The following RGS6 variants were observed in gnomAD, a reference collection of about 807,000 sequenced individuals.
RGS6 encodes the protein regulator of G protein signaling 6, also known as regulator of G-protein signaling 6.
RGS6 carries 30 observed loss-of-function variants against 78.5 expected under a neutral mutation model. The ratio of observed to expected loss-of-function variants is 0.38; its 90% CI spans 0.29 to 0.52. RGS6 has a LOEUF of 0.52. Among genes scored for constraint, RGS6 ranks in the 20% least tolerant of loss-of-function variants. The pLI is 0.85. For synonymous variants in RGS6, 206 were observed against 206.0 expected, an observed-to-expected ratio of 1.00 and a Z score of 0.00; for missense variants, 495 against 609.7, an observed-to-expected ratio of 0.81 and a Z score of 1.98.
chr14:72,511,894 T>C, intron 14 of RGS6: 1 of 152,212 alleles, frequency 6.6e-6, no homozygotes, highest in South Asian at 2.1e-4. Context: ...ATCTCAGAGC[T>C]TCATTTCAAT....
At chr14:71,981,331 A>C (rs1219348496) in intron 2 of RGS6, among the ~76,000 whole-genome samples, 1 of 151,974 alleles carries the variant, frequency 6.6e-6, no homozygotes, top group Non-Finnish European at 1.5e-5. Context: ...GGAGGAGGAG[A>C]GGCGCTCTGC....
chr14:72,553,051 T>C (rs978215500), intron 17 of RGS6, among the ~76,000 whole-genome samples: 3 of 152,188 alleles, frequency 2.0e-5, no homozygotes, highest in African/African-American at 7.2e-5. Context: ...TGTATGCACA[T>C]GTGCACAGGT....
intron 2 of RGS6, among the ~76,000 whole-genome samples, chr14:72,259,723 TG>T: frequency 6.6e-6 from 1 of 150,994 alleles, no homozygotes; most frequent in African/African-American, 2.4e-5. Flanking sequence ...CTGGCTAACA[TG>T]GTGAAACCTC....
the RGS6 span, among the ~76,000 whole-genome samples, chr14:71,913,151 A>C: frequency 1.3e-5 from 2 of 152,148 alleles, no homozygotes; most frequent in Admixed American, 1.3e-4. Context: ...TTACATAAAG[A>C]GCCAGATTTC....
chr14:72,283,433 G>A (rs529044230), intron 2 of RGS6, among the ~76,000 whole-genome samples: 4 of 152,162 alleles, frequency 2.6e-5, no homozygotes, highest in Non-Finnish European at 4.4e-5. Context: ...GGGACCCAGT[G>A]GGAGATAATT....
At chr14:72,522,857 C>T (rs2097066372) in intron 15 of RGS6, among the ~76,000 whole-genome samples, 1 of 152,114 alleles carries the variant, frequency 6.6e-6, no homozygotes, top group Non-Finnish European at 1.5e-5. Flanking sequence ...TTCAAGAAAT[C>T]CAGAAAGCTA....
At chr14:72,248,364 T>A (rs868594633) in intron 2 of RGS6, among the ~76,000 whole-genome samples, 1 of 152,222 alleles carries the variant, frequency 6.6e-6, no homozygotes, top group Non-Finnish European at 1.5e-5. Context: ...GTTTTTTGTT[T>A]GGGAAAATAG....
At chr14:72,323,777 G>A (rs867598187) in intron 2 of RGS6, among the ~76,000 whole-genome samples, 2 of 108,688 alleles carry the variant, frequency 1.8e-5, no homozygotes, top group South Asian at 3.1e-4. Flanking sequence ...CTCCAGCCTG[G>A]GTGACAGAGT....
chr14:72,360,260 G>A (rs972535174), intron 3 of RGS6, among the ~76,000 whole-genome samples: 2 of 151,924 alleles, frequency 1.3e-5, no homozygotes, highest in African/African-American at 4.8e-5. Context: ...AGTGGCTCAG[G>A]CCTCTAATCC....
At chr14:71,896,445 C>G in the RGS6 span, among the ~76,000 whole-genome samples, 15 of 152,078 alleles carry the variant, frequency 9.9e-5, no homozygotes, top group African/African-American at 4.8e-5. Flanking sequence ...GAGGATGACC[C>G]GAAGTCACTC....
the RGS6 span, among the ~76,000 whole-genome samples, chr14:71,900,733 T>G: frequency 6.6e-6 from 1 of 152,138 alleles, no homozygotes; most frequent in Admixed American, 6.5e-5. Flanking sequence ...TTTTTATTGC[T>G]ATAAAGGAAT....
At chr14:72,585,126 G>C in the RGS6 span, among the ~76,000 whole-genome samples, 1 of 152,224 alleles carries the variant, frequency 6.6e-6, no homozygotes, top group South Asian at 2.1e-4. Context: ...GAATACTAAC[G>C]ACTCCCAAAT....
chr14:71,887,089 C>A, the RGS6 span, among the ~76,000 whole-genome samples: 1 of 152,170 alleles, frequency 6.6e-6, no homozygotes, highest in African/African-American at 2.4e-5. Flanking sequence ...AACGGAGGGA[C>A]CAGCTGGAGC....
downstream of RGS6, among the ~76,000 whole-genome samples, chr14:72,568,858 C>T (rs1365209495): frequency 6.6e-6 from 1 of 152,252 alleles, no homozygotes; most frequent in African/African-American, 2.4e-5. Flanking sequence ...CAAGGGAACA[C>T]GTGGACCTCC....
chr14:72,462,019 T>C (rs1426028571), intron 6 of RGS6, among the ~76,000 whole-genome samples: 1 of 152,164 alleles, frequency 6.6e-6, no homozygotes, highest in Non-Finnish European at 1.5e-5. Context: ...GTTGATATTA[T>C]TATGACTGAG....
chr14:72,293,620 A>G (rs1246539219), intron 2 of RGS6, among the ~76,000 whole-genome samples: 1 of 152,136 alleles, frequency 6.6e-6, no homozygotes, highest in Non-Finnish European at 1.5e-5. Context: ...CCAGCATTGC[A>G]TTTTATTTAA....
At chr14:72,437,167 CAAAAAAAAAAAAA>C (rs71109735) in intron 3 of RGS6, among the ~76,000 whole-genome samples, 2 of 75,016 alleles carry the variant, frequency 2.7e-5, no homozygotes, top group East Asian at 3.9e-4. Context: ...ACTAAAAATA[CAAAAAAAAAAAAA>C]AAAAAAAAAA....
intron 1 of RGS6, among the ~76,000 whole-genome samples, chr14:71,948,130 C>T (rs984212875): frequency 1.3e-5 from 2 of 152,212 alleles, no homozygotes; most frequent in African/African-American, 2.4e-5. Context: ...ACCTTGTCTT[C>T]TTGACTTCCT....
chr14:72,025,937 A>G (rs144104151), intron 2 of RGS6, among the ~76,000 whole-genome samples: 69 of 152,336 alleles, frequency 4.5e-4, no homozygotes, highest in African/African-American at 1.6e-3. Flanking sequence ...AAAAGCTTTC[A>G]CTATCAGTAA....
Sources: allele counts gnomAD v4.1 joint callset (sites outside exome capture counted in the v4.1 genomes callset), GRCh38; gene constraint gnomAD v4.1.1; transcripts MANE v1.5; gene names NCBI Gene and HGNC (gene_info 2026-07-23, HGNC 2026-07-21).